OCA2: variants seen among roughly 807,000 people sequenced by gnomAD.
OCA2 encodes the protein OCA2 melanosomal transmembrane protein.
A neutral mutation model predicts 100.2 loss-of-function variants in OCA2; 77 were observed. That is an observed-to-expected ratio of 0.77 (90% CI 0.64 to 0.93). The LOEUF (loss-of-function observed/expected upper bound fraction) is 0.93. Ranked by LOEUF, OCA2 falls within the 40% of genes least tolerant of loss-of-function variation. The pLI is 0.00. For missense variants in OCA2, 1,062 were observed against 1,089.1 expected, an observed-to-expected ratio of 0.98 and a Z score of 0.35; for synonymous variants, 432 against 439.2, an observed-to-expected ratio of 0.98 and a Z score of 0.21.
chr15:27,936,871 CAATT>C, intron 18 of OCA2, among the ~76,000 whole-genome samples: 1 of 152,230 alleles, frequency 6.6e-6, no homozygotes, highest in African/African-American at 2.4e-5. Context: ...GGAAATGCCT[CAATT>C]ACATCAAGTG....
chr15:28,043,565 T>C lies in OCA2; in HGVS notation c.228-11402A>G, dbSNP rs2043265630. ...ATCCTTCCTTTTCAAAGCAAACGGA[T>C]GGAACATGAAAGACTCCTGTTTAGA... is the stretch of plus-strand genomic sequence containing the variant. On this transcript the variant is annotated intron_variant, in intron 2 of 23. Transcript: ENST00000354638. This position sits in a 1 kb window ranked among gnomAD's most constrained non-coding sequence, Gnocchi z 4.4. 6.6e-6 allele frequency among the ~76,000 whole-genome samples: 1 copy of C among 152,172 alleles called. No homozygotes were observed. The highest frequency in any genetic ancestry group is 1.5e-5 in the Non-Finnish European group (1 of 68,020).
chr15:27,986,502 T>A (rs2041355984), intron 12 of OCA2, 85 bp downstream of exon 12: 1 of 941,942 alleles, frequency 1.1e-6, no homozygotes, highest in East Asian at 2.5e-5. Context: ...TTGTTTTAAA[T>A]GTTTGTTTCC....
At chr15:27,741,233 C>T in the OCA2 span, among the ~76,000 whole-genome samples, 1 of 152,210 alleles carries the variant, frequency 6.6e-6, no homozygotes, top group South Asian at 2.1e-4. Context: ...CCCTTACACA[C>T]ATAGAAGATT....
intron 19 of OCA2, among the ~76,000 whole-genome samples, chr15:27,884,160 T>C (rs2037132887): frequency 6.6e-6 from 1 of 152,170 alleles, no homozygotes. Context: ...GGTGGGCAGA[T>C]CACTTGAGCT....
At chr15:28,080,574 G>A (rs2044587941) in intron 2 of OCA2, among the ~76,000 whole-genome samples, 1 of 152,224 alleles carries the variant, frequency 6.6e-6, no homozygotes, top group Non-Finnish European at 1.5e-5. Context: ...GTGAAAGCAT[G>A]AGCACGCAAG....
At chr15:27,899,419 A>G (rs2037834883) in intron 19 of OCA2, among the ~76,000 whole-genome samples, 1 of 152,238 alleles carries the variant, frequency 6.6e-6, no homozygotes, top group Non-Finnish European at 1.5e-5. Context: ...GCGCAATCCA[A>G]TCACAAGGGC....
chr15:27,902,611 G>A (rs982647553), intron 19 of OCA2, among the ~76,000 whole-genome samples: 2 of 152,150 alleles, frequency 1.3e-5, no homozygotes, highest in Non-Finnish European at 2.9e-5. Context: ...AGGACACGCA[G>A]GGGCCTCTCC....
chr15:27,719,467 G>A, the OCA2 span, among the ~76,000 whole-genome samples: 9 of 152,002 alleles, frequency 5.9e-5, no homozygotes, highest in East Asian at 1.9e-4. Flanking sequence ...ACGAACTTGC[G>A]GGGGGGACCA....
the OCA2 span, among the ~76,000 whole-genome samples, chr15:27,729,797 A>G: frequency 6.6e-6 from 1 of 152,268 alleles, no homozygotes; most frequent in South Asian, 2.1e-4. Flanking sequence ...AACTTCACTG[A>G]GCTATAAACT....
At chr15:28,060,630 T>G (rs61178186) in intron 2 of OCA2, among the ~76,000 whole-genome samples, 9,054 of 152,248 alleles carry the variant, frequency 0.059, 876 homozygotes, top group African/African-American at 0.21. Flanking sequence ...TTTTCAGAAC[T>G]TTGGAAGTTA....
At chr15:27,845,833 T>G (rs1210595638) in intron 22 of OCA2, among the ~76,000 whole-genome samples, 1 of 152,168 alleles carries the variant, frequency 6.6e-6, no homozygotes, top group Non-Finnish European at 1.5e-5. Flanking sequence ...CTCTCTCTCC[T>G]TCTATGGAGG....
chr15:27,738,596 A>G, the OCA2 span, among the ~76,000 whole-genome samples: 5 of 152,032 alleles, frequency 3.3e-5, no homozygotes, highest in South Asian at 2.1e-4. Flanking sequence ...TTAGCCGGGC[A>G]TGGTGGTGGG....
At chr15:27,786,403 A>G (rs897375201) in intron 23 of OCA2, among the ~76,000 whole-genome samples, 6 of 152,148 alleles carry the variant, frequency 3.9e-5, no homozygotes, top group African/African-American at 1.4e-4. Context: ...AGTCTTGCAT[A>G]TGAACTGAGT....
intron 18 of OCA2, among the ~76,000 whole-genome samples, chr15:27,935,635 G>A (rs1056129083): frequency 6.6e-6 from 1 of 152,196 alleles, no homozygotes; most frequent in Non-Finnish European, 1.5e-5. Flanking sequence ...TCCCCAGTCT[G>A]CAAGAATTTC....
intron 23 of OCA2, among the ~76,000 whole-genome samples, chr15:27,779,877 T>C (rs1275365219): frequency 1.3e-5 from 2 of 152,224 alleles, no homozygotes; most frequent in Non-Finnish European, 2.9e-5. Flanking sequence ...TTGTGTTTCC[T>C]TGTGCTTTTG....
chr15:28,077,600 A>G (rs2044473628), intron 2 of OCA2, among the ~76,000 whole-genome samples: 1 of 152,180 alleles, frequency 6.6e-6, no homozygotes, highest in South Asian at 2.1e-4. Context: ...AGGTGCCCAG[A>G]GAATGAAGTC....
At chr15:27,818,375 T>C (rs986904610) in intron 23 of OCA2, among the ~76,000 whole-genome samples, 5 of 152,092 alleles carry the variant, frequency 3.3e-5, no homozygotes, top group African/African-American at 7.2e-5. Context: ...GGTAACAGAG[T>C]GAGACTCCAT....
At chr15:27,804,463 G>A (rs2033742225) in intron 23 of OCA2, among the ~76,000 whole-genome samples, 1 of 152,200 alleles carries the variant, frequency 6.6e-6, no homozygotes, top group Non-Finnish European at 1.5e-5. Context: ...TAGAAAGACA[G>A]AATGGCCCTA....
intron 16 of OCA2, among the ~76,000 whole-genome samples, chr15:27,956,236 C>T (rs1489066316): frequency 2.6e-5 from 4 of 152,064 alleles, no homozygotes; most frequent in Non-Finnish European, 5.9e-5. Flanking sequence ...GTAATCCCAG[C>T]TACTCGGGAG....
Sources: gnomAD v4.1 joint callset for allele counts (sites outside exome capture counted in the v4.1 genomes callset) on GRCh38, gnomAD v4.1.1 for gene constraint, Gnocchi (gnomAD v3.1) non-coding constraint, MANE v1.5 for transcripts, NCBI Gene and HGNC (gene_info 2026-07-23, HGNC 2026-07-21) for gene names.